The following TMEM114 variants were observed in gnomAD, a reference collection of about 807,000 sequenced individuals.
The protein encoded by TMEM114 is claudin-26.
Under a neutral mutation model 6.2 loss-of-function variants are expected in TMEM114, and 6 were observed. The observed-to-expected ratio is 0.97, with a 90% CI of 0.53 to 1.91. The LOEUF is 1.91. Among genes scored for constraint, TMEM114 ranks in the 40% most tolerant of loss-of-function variants. TMEM114 has a pLI of 0.01. For missense variants in TMEM114, 218 were observed against 158.3 expected (o/e 1.38, Z -2.02); for synonymous variants, 104 against 73.0 (o/e 1.42, Z -2.16).
chr16:8,538,969 T>C (rs895009023), intron 2 of TMEM114, among the ~76,000 whole-genome samples: 2 of 152,200 alleles, frequency 1.3e-5, no homozygotes, highest in African/African-American at 4.8e-5. Context: ...GTGTCCTCCA[T>C]CTCTAGTCAA....
intron 2 of TMEM114, among the ~76,000 whole-genome samples, chr16:8,553,403 T>A (rs4564546): frequency 2.6e-4 from 39 of 151,892 alleles, no homozygotes; most frequent in Admixed American, 2.6e-3. Flanking sequence ...AGGACTTGAA[T>A]CTTTTTTTGG....
chr16:8,545,415 A>G (rs1246822348), intron 2 of TMEM114, among the ~76,000 whole-genome samples: 1 of 152,176 alleles, frequency 6.6e-6, no homozygotes, highest in East Asian at 1.9e-4. Context: ...ACCCTGTGCA[A>G]CAGTTATACT....
At chr16:8,559,538 G>A (rs1901132552) in intron 2 of TMEM114, among the ~76,000 whole-genome samples, 1 of 152,208 alleles carries the variant, frequency 6.6e-6, no homozygotes, top group African/African-American at 2.4e-5. Context: ...ACTCCACCAA[G>A]GAACAAAGGT....
At chr16:8,546,569 G>C (rs1900673509) in intron 2 of TMEM114, among the ~76,000 whole-genome samples, 1 of 152,206 alleles carries the variant, frequency 6.6e-6, no homozygotes. Flanking sequence ...GGTTCAGGAA[G>C]CCAAGCAACA....
At chr16:8,536,847 T>A (rs1900375703), downstream of TMEM114, among the ~76,000 whole-genome samples, 1 of 152,148 alleles carries the variant, frequency 6.6e-6, no homozygotes, top group Non-Finnish European at 1.5e-5. Context: ...GAAGGGCACT[T>A]GTTTGTTTCA....
intron 2 of TMEM114, among the ~76,000 whole-genome samples, chr16:8,555,481 G>C (rs1431960203): frequency 6.6e-6 from 1 of 152,088 alleles, no homozygotes; most frequent in Non-Finnish European, 1.5e-5. Context: ...GGGTGGTGGG[G>C]AGGTGTTGCC....
At chr16:8,564,198 T>C (rs1901422920) in intron 2 of TMEM114, among the ~76,000 whole-genome samples, 1 of 149,368 alleles carries the variant, frequency 6.7e-6, no homozygotes, top group Admixed American at 6.6e-5. Flanking sequence ...CATGAATGAG[T>C]GAGTGGGTGA....
At chr16:8,548,694 G>GTATATATATATATATATATATATATATA (rs141212101) in intron 2 of TMEM114, among the ~76,000 whole-genome samples, 69 of 139,902 alleles carry the variant, frequency 4.9e-4, no homozygotes, top group African/African-American at 1.9e-3. Context: ...AAATTGCCAT[G>GTATATATATATATATATATATATATATA]TATATATATA....
At position 8,587,724 on chromosome 16, in the gene TMEM114, C is replaced by T. The variant is rs1021884490; in HGVS notation, c.301+1489G>A. Among the ~76,000 whole-genome samples, 189 of 152,318 alleles carry T rather than the reference C, an allele frequency of 1.2e-3. 1 individual carries two copies. The highest frequency in any genetic ancestry group is 4.3e-3 in the African/African-American group (180 of 41,572). The stretch of plus-strand genomic sequence containing the variant: ...ATCAAAAACTGCTCATGCCTATAAT[C>T]TCAGCACTTTTGAGAGACTAAGGCA... On this transcript the variant is annotated intron_variant, in intron 2 of 3. Coordinates refer to ENST00000620492, the MANE Select transcript of TMEM114 (RefSeq NM_001146336.2).
rs1901419154 is a variant in TMEM114, at chr16:8,564,150, T to G, written n.212+25063A>C. 2.0e-5 allele frequency among the ~76,000 whole-genome samples: 3 copies of G among 150,924 alleles called. No homozygotes were observed. The South Asian group carries it at 6.2e-4, about 31-fold the overall frequency. Reference sequence around the variant, plus strand: ...GTGAGTTAGTGAATGAGTGAGTGAATGAGTTAGTGAATGAGTGAGTAAATG... The same window carrying G: ...GTGAGTTAGTGAATGAGTGAGTGAAGGAGTTAGTGAATGAGTGAGTAAATG... On this transcript the variant is annotated intron_variant and non_coding_transcript_variant, in intron 2 of 2. Coordinates refer to the TMEM114 transcript ENST00000623677.
chr16:8,554,810 C>G (rs1057454544), intron 2 of TMEM114, among the ~76,000 whole-genome samples: 1 of 152,184 alleles, frequency 6.6e-6, no homozygotes, highest in Non-Finnish European at 1.5e-5. Flanking sequence ...CACAACAACC[C>G]TGAGGGTAGG....
At chr16:8,578,807 C>T (rs908822759) in intron 2 of TMEM114, among the ~76,000 whole-genome samples, 11 of 152,000 alleles carry the variant, frequency 7.2e-5, no homozygotes, top group Non-Finnish European at 1.3e-4. Flanking sequence ...GGTGAAACCC[C>T]GTCTCTACTA....
the TMEM114 span, among the ~76,000 whole-genome samples, chr16:8,530,327 A>T: frequency 6.6e-6 from 1 of 152,162 alleles, no homozygotes; most frequent in Non-Finnish European, 1.5e-5. Context: ...ACATGGCTCT[A>T]TCCCTGTGGG....
chr16:8,532,644 G>C (rs1900251839), downstream of TMEM114, among the ~76,000 whole-genome samples: 2 of 152,176 alleles, frequency 1.3e-5, no homozygotes, highest in African/African-American at 4.8e-5. Context: ...AATCATTCAG[G>C]CCAGGCACAG....
downstream of TMEM114, among the ~76,000 whole-genome samples, chr16:8,537,216 A>G (rs1900386267): frequency 6.6e-6 from 1 of 152,008 alleles, no homozygotes; most frequent in Non-Finnish European, 1.5e-5. Flanking sequence ...AAAAACAAAA[A>G]CAGGCCAGGC....
At chr16:8,531,344 C>T in the TMEM114 span, among the ~76,000 whole-genome samples, 5 of 152,150 alleles carry the variant, frequency 3.3e-5, no homozygotes, top group Non-Finnish European at 7.3e-5. Context: ...TTCATTAATG[C>T]CTAAAACCAC....
In TMEM114 at chr16:8,569,802, G is replaced by T; in HGVS notation, c.643C>A (p.Leu215Met). The change falls in exon 4 of 4, where the codon CTG (leucine) becomes ATG (methionine). Residue 215 changes from leucine to methionine, a missense_variant. Physicochemically the swap from Leu to Met is conservative, Grantham distance 15. Coordinates refer to ENST00000620492, the MANE Select transcript of TMEM114 (RefSeq NM_001146336.2). The stretch of plus-strand genomic sequence containing the variant: ...ATGGCCTGGTCCTGCCTCCGTCTCA[G>T]GCTGAGCTCGCGGGCTGCTGCCAGG... ...AFLAAARELSLRRRQDQAI is the reference protein window; with the variant it reads ...AFLAAARELSMRRRQDQAI 2 of 1,550,778 alleles carry T rather than the reference G, an allele frequency of 1.3e-6. No individual in the cohort carries two copies.
chr16:8,527,070 T>A, the TMEM114 span, among the ~76,000 whole-genome samples: 7 of 152,134 alleles, frequency 4.6e-5, no homozygotes, highest in African/African-American at 7.2e-5. Context: ...TAGCCCAGTA[T>A]GGTGGGCACA....
chr16:8,557,780 G>A (rs1430797122), intron 2 of TMEM114, among the ~76,000 whole-genome samples: 2 of 152,168 alleles, frequency 1.3e-5, no homozygotes, highest in Non-Finnish European at 2.9e-5. Flanking sequence ...GAAGACTGAA[G>A]AAGATAAAGC....
Sources: gnomAD v4.1 joint callset for allele counts (sites outside exome capture counted in the v4.1 genomes callset) on GRCh38, gnomAD v4.1.1 for gene constraint, MANE v1.5 for transcripts, NCBI Gene and HGNC (gene_info 2026-07-23, HGNC 2026-07-21) for gene names.